TBC1D9: variants seen among roughly 807,000 people sequenced by gnomAD.
The protein encoded by TBC1D9 is TBC1 domain family member 9.
In TBC1D9, 63 loss-of-function variants were observed where a neutral mutation model predicts 132.0. The ratio of observed to expected loss-of-function variants is 0.48; its 90% CI spans 0.39 to 0.59. The LOEUF (loss-of-function observed/expected upper bound fraction) is 0.59, where lower values mean the gene tolerates loss of function less well. Ranked by LOEUF, TBC1D9 falls within the 20% of genes least tolerant of loss-of-function variation. The pLI is 0.00. For synonymous variants in TBC1D9, 610 were observed against 609.9 expected (o/e 1.00, Z 0.00); for missense variants, 1,261 against 1,592.7 (o/e 0.79, Z 3.54).
At chr4:140,687,487 GT>G (rs1204793222) in intron 2 of TBC1D9, among the ~76,000 whole-genome samples, 1 of 149,012 alleles carries the variant, frequency 6.7e-6, no homozygotes. Context: ...CGATTTCCAA[GT>G]TATATTTTAA....
At chr4:140,667,614 T>C (rs1289714202) in intron 9 of TBC1D9, among the ~76,000 whole-genome samples, 1 of 152,068 alleles carries the variant, frequency 6.6e-6, no homozygotes, top group Non-Finnish European at 1.5e-5. Flanking sequence ...TTAGGGAAAA[T>C]GAGGCCAGGC....
At chr4:140,681,678 A>G (rs745393155) in intron 3 of TBC1D9, among the ~76,000 whole-genome samples, 3 of 152,136 alleles carry the variant, frequency 2.0e-5, no homozygotes, top group African/African-American at 4.8e-5. Context: ...CCACACTCCA[A>G]TTTACTTCAC....
chr4:140,719,383 T>G (rs540863910), intron 1 of TBC1D9, among the ~76,000 whole-genome samples: 1 of 152,306 alleles, frequency 6.6e-6, no homozygotes, highest in African/African-American at 2.4e-5. Context: ...AGGATTTTTC[T>G]TTAAATAATG....
intron 1 of TBC1D9, among the ~76,000 whole-genome samples, chr4:140,721,178 A>G (rs1329651395): frequency 6.6e-6 from 1 of 152,194 alleles, no homozygotes; most frequent in Non-Finnish European, 1.5e-5. Context: ...TCTTGTTTAT[A>G]TTCTGGTTGG....
chr4:140,683,097 C>T (rs1424870271), intron 3 of TBC1D9, among the ~76,000 whole-genome samples: 5 of 152,108 alleles, frequency 3.3e-5, no homozygotes, highest in Non-Finnish European at 7.4e-5. Flanking sequence ...AGGCTGGTCT[C>T]GAACTCCTGA....
intron 2 of TBC1D9, among the ~76,000 whole-genome samples, chr4:140,693,343 A>G (rs1737905391): frequency 6.6e-6 from 1 of 152,196 alleles, no homozygotes. Flanking sequence ...TAAAGGTTAA[A>G]TTATCTGAAA....
At chr4:140,723,531 G>A (rs376684919) in intron 1 of TBC1D9, among the ~76,000 whole-genome samples, 7 of 151,804 alleles carry the variant, frequency 4.6e-5, no homozygotes, top group South Asian at 2.1e-4. Flanking sequence ...ACAGGGTTTC[G>A]CCATAGTGGC....
intron 13 of TBC1D9, among the ~76,000 whole-genome samples, chr4:140,651,998 G>A (rs953002712): frequency 5.3e-5 from 8 of 152,058 alleles, no homozygotes; most frequent in Non-Finnish European, 1.2e-4. Context: ...TAGGACTTTG[G>A]GAGGCTGAGG....
At chr4:140,734,153 T>C (rs967669652) in intron 1 of TBC1D9, among the ~76,000 whole-genome samples, 1 of 152,190 alleles carries the variant, frequency 6.6e-6, no homozygotes, top group African/African-American at 2.4e-5. Flanking sequence ...CTGATTTTTT[T>C]GAGACACAGT....
rs144549581 is a variant in TBC1D9 at position 140,729,442 on chromosome 4, C to T, written c.130+26474G>A. On this transcript the variant is annotated intron_variant, in intron 1 of 20. Coordinates refer to ENST00000442267, the MANE Select transcript of TBC1D9 (RefSeq NM_015130.3). The stretch of plus-strand genomic sequence containing the variant: ...ACAACAGCAAAGGGCCCCATGGAGG[C>T]ACCAGGGAGATGATAATTTCAGTTC... Among the ~76,000 whole-genome samples, 591 of 152,276 alleles carry T rather than the reference C, an allele frequency of 3.9e-3. 2 individuals are homozygous for T. Among genetic ancestry groups the T allele is most frequent in the African/African-American group, 0.012 (486 of 41,556 alleles).
intron 13 of TBC1D9, chr4:140,643,275 G>T: frequency 2.3e-6 from 3 of 1,294,696 alleles, no homozygotes; most frequent in Middle Eastern, 1.8e-4. Context: ...GCTCAGCAGG[G>T]TGATGCCGTG....
At chr4:140,709,517 CAT>C (rs1738206929) in intron 1 of TBC1D9, among the ~76,000 whole-genome samples, 1 of 149,624 alleles carries the variant, frequency 6.7e-6, no homozygotes, top group Non-Finnish European at 1.5e-5. Context: ...AAAAAAAAGA[CAT>C]AAAAAATACA....
At chr4:140,755,660 C>T (rs1407004356) in intron 1 of TBC1D9, among the ~76,000 whole-genome samples, 2 of 152,202 alleles carry the variant, frequency 1.3e-5, no homozygotes, top group African/African-American at 2.4e-5. Context: ...CAGACTCACT[C>T]TTTCCCATTC....
At chr4:140,717,320 A>G (rs1267366347) in intron 1 of TBC1D9, among the ~76,000 whole-genome samples, 1 of 152,224 alleles carries the variant, frequency 6.6e-6, no homozygotes. Flanking sequence ...GAAAAGCCCA[A>G]GTTGTTGTTT....
intron 1 of TBC1D9, among the ~76,000 whole-genome samples, chr4:140,709,955 C>T (rs1208168584): frequency 1.3e-5 from 2 of 152,178 alleles, no homozygotes; most frequent in Non-Finnish European, 2.9e-5. Flanking sequence ...TAACAGGCCA[C>T]GGACTGACAG....
intron 1 of TBC1D9, among the ~76,000 whole-genome samples, chr4:140,737,301 G>A (rs1326053134): frequency 6.6e-6 from 1 of 152,044 alleles, no homozygotes; most frequent in African/African-American, 2.4e-5. Flanking sequence ...AAGAGGGACA[G>A]CCAGGGCAAC....
intron 1 of TBC1D9, among the ~76,000 whole-genome samples, chr4:140,740,604 A>C (rs1477910515): frequency 1.3e-5 from 2 of 152,228 alleles, no homozygotes; most frequent in African/African-American, 4.8e-5. Context: ...GCCTTACATC[A>C]TACCTTCCCC....
chr4:140,645,515 C>T (rs1057165570), intron 13 of TBC1D9: 1 of 360,636 alleles, frequency 2.8e-6, no homozygotes, highest in Non-Finnish European at 5.4e-6. Flanking sequence ...CCACTATCCT[C>T]TCTTGCGAGA....
intron 1 of TBC1D9, among the ~76,000 whole-genome samples, chr4:140,730,409 C>G (rs1173068905): frequency 6.6e-6 from 1 of 152,168 alleles, no homozygotes; most frequent in Non-Finnish European, 1.5e-5. Flanking sequence ...TCTGACGGCA[C>G]TGTCTAAATG....
Sources: gnomAD v4.1 joint callset for allele counts (sites outside exome capture counted in the v4.1 genomes callset) on GRCh38, gnomAD v4.1.1 for gene constraint, MANE v1.5 for transcripts, NCBI Gene and HGNC (gene_info 2026-07-23, HGNC 2026-07-21) for gene names.